The following CASR variants were observed in gnomAD, a reference collection of about 807,000 sequenced individuals.
CASR encodes the protein calcium sensing receptor.
In CASR, 23 loss-of-function variants were observed where a neutral mutation model predicts 69.1. That is an observed-to-expected ratio of 0.33 (90% CI 0.24 to 0.47). The LOEUF is 0.47. CASR is among the 20% of genes least tolerant of loss of function. CASR has a pLI of 1.00. For missense variants in CASR, 924 were observed against 1,356.1 expected (o/e 0.68, Z 5.00); for synonymous variants, 541 against 544.7 (o/e 0.99, Z 0.10).
intron 5 of CASR, among the ~76,000 whole-genome samples, chr3:122,279,025 TA>T (rs1265242939): frequency 6.6e-6 from 1 of 152,210 alleles, no homozygotes; most frequent in East Asian, 1.9e-4. Flanking sequence ...GAATGGGATG[TA>T]AGTGGCAGTG....
rs114290037 is a variant in CASR at position 122,238,179 on chromosome 3, G to A, written c.-242-15769G>A. Among the ~76,000 whole-genome samples the A allele has an allele frequency of 5.7e-3, 875 of 152,262 alleles. 6 individuals carry two copies. Among genetic ancestry groups the A allele is most frequent in the Non-Finnish European group, 9.6e-3 (653 of 68,010 alleles). ...AGGGTAGGAAAGACAGCCTTGAATC[G>A]CTGATACCACCCCTCCCCTATCCCC... On this transcript the variant is annotated intron_variant, in intron 1 of 6. Coordinates refer to ENST00000639785, the MANE Select transcript of CASR (RefSeq NM_000388.4).
chr3:122,189,569 C>A (rs1158163994), intron 1 of CASR, among the ~76,000 whole-genome samples: 1 of 152,150 alleles, frequency 6.6e-6, no homozygotes, highest in Non-Finnish European at 1.5e-5. Context: ...ATGATGGGGG[C>A]AAAGGTAATA....
chr3:122,214,022 C>T (rs2074093155), intron 1 of CASR, among the ~76,000 whole-genome samples: 1 of 152,190 alleles, frequency 6.6e-6, no homozygotes, highest in African/African-American at 2.4e-5. Flanking sequence ...ATGTCCTCTT[C>T]CTGAAAACTC....
In CASR at chr3:122,290,665, G is replaced by A. The variant is rs1242791792; in HGVS notation, c.*5474G>A. The stretch of plus-strand genomic sequence containing the variant: ...ATGCAACCAAATTTTAAACAGATAA[G>A]TATATCATATTAGATAGGAATCACC... On this transcript the variant is annotated 3_prime_UTR_variant, in exon 7 of 7. Coordinates refer to ENST00000639785, the MANE Select transcript of CASR (RefSeq NM_000388.4). 1 of 151,672 alleles carries A rather than the reference G, an allele frequency of 6.6e-6. No individual in the cohort carries two copies. Among genetic ancestry groups the A allele is most frequent in the African/African-American group, 2.4e-5 (1 of 41,332 alleles). The allele number at this position is 151,672 out of a possible 1,614,324, so 9.4% of individuals were successfully genotyped here.
chr3:122,246,723 C>A (rs1420527290), intron 1 of CASR: 1 of 152,192 alleles, frequency 6.6e-6, no homozygotes, highest in Non-Finnish European at 1.5e-5. Context: ...TTAGCATACA[C>A]CACAAGTCAG....
At chr3:122,237,820 A>G (rs1159391968) in intron 1 of CASR, among the ~76,000 whole-genome samples, 1 of 152,246 alleles carries the variant, frequency 6.6e-6, no homozygotes, top group African/African-American at 2.4e-5. Context: ...TAGAACTCTC[A>G]TAGAGTGCAG....
chr3:122,231,783 C>G (rs946213717), intron 1 of CASR, among the ~76,000 whole-genome samples: 1 of 151,902 alleles, frequency 6.6e-6, no homozygotes, highest in Non-Finnish European at 1.5e-5. Flanking sequence ...TCAAAGAACT[C>G]TCAGGACTAT....
chr3:122,221,735 C>G (rs190239922), intron 1 of CASR, among the ~76,000 whole-genome samples: 3 of 152,266 alleles, frequency 2.0e-5, no homozygotes, highest in East Asian at 1.9e-4. Context: ...TTAAATAATC[C>G]CCCCATCATT....
chr3:122,291,527 G>C lies in CASR; in HGVS notation c.*6336G>C, dbSNP rs918046623. 2.0e-5 allele frequency: 3 copies of C among 152,194 alleles called. No individual in the cohort carries two copies. Among genetic ancestry groups the C allele is most frequent in the Non-Finnish European group, 2.9e-5 (2 of 68,046 alleles). The allele number at this position is 152,194 out of a possible 1,614,324, so 9.4% of individuals were successfully genotyped here. ...AAGATTGCTTGGTAGTGGACTAATG[G>C]ATAATTGTTTCTGCTTCTTTAGGAT... On this transcript the variant is annotated 3_prime_UTR_variant, in exon 7 of 7. Coordinates refer to ENST00000639785, the MANE Select transcript of CASR (RefSeq NM_000388.4).
intron 5 of CASR, among the ~76,000 whole-genome samples, chr3:122,277,317 G>A (rs1377172833): frequency 6.6e-6 from 1 of 152,092 alleles, no homozygotes; most frequent in Non-Finnish European, 1.5e-5. Flanking sequence ...AGAGTGCTCA[G>A]ATGACAGACG....
At position 122,214,216 on chromosome 3, in the gene CASR, C is replaced by A. The variant is rs74729891; in HGVS notation, c.-243+30404C>A. Among the ~76,000 whole-genome samples the A allele has an allele frequency of 8.2e-3, 1,239 of 151,754 alleles. 7 individuals carry two copies. Among genetic ancestry groups the A allele is most frequent in the Non-Finnish European group, 0.013 (887 of 68,004 alleles). ...TCCGTTTGAAGATTCTTTAATGGAG[C>A]GTATCCATTTTTCTCATTAAAGACT... On this transcript the variant is annotated intron_variant, in intron 1 of 6. Coordinates refer to ENST00000639785, the MANE Select transcript of CASR (RefSeq NM_000388.4).
intron 1 of CASR, among the ~76,000 whole-genome samples, chr3:122,220,930 C>T (rs1240020137): frequency 2.6e-5 from 4 of 152,092 alleles, no homozygotes; most frequent in Admixed American, 6.5e-5. Flanking sequence ...GCCGAGATCG[C>T]GCCACTGCAC....
At chr3:122,187,340 A>G (rs1293101439) in intron 1 of CASR, among the ~76,000 whole-genome samples, 1 of 152,226 alleles carries the variant, frequency 6.6e-6, no homozygotes, top group Non-Finnish European at 1.5e-5. Flanking sequence ...AAAGAAAAAA[A>G]ATCACCAATT....
At chr3:122,211,811 G>T (rs980885055) in intron 1 of CASR, among the ~76,000 whole-genome samples, 1 of 151,466 alleles carries the variant, frequency 6.6e-6, no homozygotes, top group Non-Finnish European at 1.5e-5. Context: ...ATGAAAAAAA[G>T]TTCAACATCA....
rs1450101920 is a variant in CASR at position 122,254,174 on chromosome 3, G to A, written c.-16G>A. 6.2e-7 allele frequency: 1 copy of A among 1,612,164 alleles called. No individual in the cohort carries two copies. Among genetic ancestry groups the A allele is most frequent in the South Asian group, 1.1e-5 (1 of 90,998 alleles). On this transcript the variant is annotated 5_prime_UTR_variant, in exon 2 of 7. Coordinates refer to ENST00000639785, the MANE Select transcript of CASR (RefSeq NM_000388.4). Reference sequence around the variant, plus strand: ...CCTAGCTGTCTCATCCCTTGCCCTGGAGAGACGGCAGAACCATGGCATTTT... The same window carrying A: ...CCTAGCTGTCTCATCCCTTGCCCTGAAGAGACGGCAGAACCATGGCATTTT...
intron 1 of CASR, among the ~76,000 whole-genome samples, chr3:122,249,740 G>A (rs1349068131): frequency 1.3e-5 from 2 of 152,214 alleles, no homozygotes; most frequent in African/African-American, 4.8e-5. Flanking sequence ...GATTATATAT[G>A]ATTTAAATGG....
At chr3:122,280,506 C>T (rs2074875803) in intron 5 of CASR, among the ~76,000 whole-genome samples, 1 of 152,186 alleles carries the variant, frequency 6.6e-6, no homozygotes, top group Non-Finnish European at 1.5e-5. Context: ...AATGGGTTGG[C>T]AACTCAAGGA....
chr3:122,278,547 C>T (rs2074849661), intron 5 of CASR, among the ~76,000 whole-genome samples: 1 of 152,182 alleles, frequency 6.6e-6, no homozygotes, highest in Admixed American at 6.5e-5. Flanking sequence ...ATTGGACAGG[C>T]ATCTTTAATA....
In CASR at chr3:122,290,387, T is replaced by C. The variant is rs1015289280; in HGVS notation, c.*5196T>C. The C allele has an allele frequency of 6.6e-6, 1 of 152,216 alleles. No homozygotes were observed. The highest frequency in any genetic ancestry group is 6.5e-5 in the Admixed American group (1 of 15,282). 9.4% of individuals were successfully genotyped at this position (152,216 alleles called of 1,614,324 possible). A position where few individuals can be genotyped will look rare whatever the true frequency, so the allele number is the denominator to read the frequency against. On this transcript the variant is annotated 3_prime_UTR_variant, in exon 7 of 7. Transcript: ENST00000639785. ...GGAAGAATGTGATTGTCTTCGTTGATATCAACCCAAAGATGTGGTTATTGT... is the reference window on the plus strand; with the variant it reads ...GGAAGAATGTGATTGTCTTCGTTGACATCAACCCAAAGATGTGGTTATTGT...
Sources: gnomAD v4.1 joint callset for allele counts (sites outside exome capture counted in the v4.1 genomes callset) on GRCh38, gnomAD v4.1.1 for gene constraint, MANE v1.5 for transcripts, NCBI Gene and HGNC (gene_info 2026-07-23, HGNC 2026-07-21) for gene names.